The following TUBG1 variants were observed in gnomAD, a reference collection of about 807,000 sequenced individuals.
TUBG1 encodes tubulin gamma 1.
Under a neutral mutation model 53.3 loss-of-function variants are expected in TUBG1, and 22 were observed. The observed-to-expected ratio is 0.41, with a 90% confidence interval of 0.29 to 0.59. The LOEUF is 0.59. Among genes scored for constraint, TUBG1 ranks in the 20% least tolerant of loss-of-function variants. The pLI is 0.26. For missense variants in TUBG1, 217 were observed against 598.9 expected (o/e 0.36, Z 6.66); for synonymous variants, 198 against 236.7 (o/e 0.84, Z 1.50).
Position 42,613,943 on chromosome 17 carries a change from C to A in TUBG1, c.788C>A (p.Thr263Asn), listed in dbSNP as rs2052055950. The A allele has an allele frequency of 6.2e-7, 1 of 1,614,116 alleles. No individual in the cohort carries two copies. Among genetic ancestry groups the A allele is most frequent in the Non-Finnish European group, 8.5e-7 (1 of 1,180,046 alleles). ...LIGLIASLIP[T>N]PRLHFLMTGY... Reference sequence around the variant, plus strand: ...GGCCTCATCGCCTCGCTCATTCCCACCCCACGGCTCCACTTCCTCATGACC... The same window carrying A: ...GGCCTCATCGCCTCGCTCATTCCCAACCCACGGCTCCACTTCCTCATGACC... The change falls in exon 8 of 11, where the codon ACC becomes AAC. Residue 263 changes from threonine (T) to asparagine (N), a missense_variant. By Grantham distance (65) the Thr-to-Asn change is moderately conservative. This residue lies in a region of TUBG1 where 135 missense variants were observed against 371.2 expected (regional missense o/e 0.36). Transcript: ENST00000251413.
At chr17:42,612,300 A>G (rs1336554864) in intron 4 of TUBG1, 127 bp from the exon 5 acceptor site, 4 of 1,306,734 alleles carry the variant, frequency 3.1e-6, no homozygotes, top group Non-Finnish European at 4.4e-6. Flanking sequence ...CCTAAGCTGT[A>G]TAAGTGAGGG....
chr17:42,614,594 C>T lies in TUBG1; in HGVS notation c.1095C>T (p.Pro365=), dbSNP rs2052062029. The T allele has an allele frequency of 6.2e-7, 1 of 1,614,022 alleles. No individual in the cohort carries two copies. The highest frequency in any genetic ancestry group is 1.3e-5 in the African/African-American group (1 of 74,954). ...AGGTGGCCCTGTCGAGGAAGTCTCC[C>T]TACCTGCCCTCGGCCCACCGGGTCA... ...SIQVALSRKS[P]YLPSAHRVSG... is the part of the protein sequence containing the mutation. The change falls in exon 10 of 11, where the codon CCC becomes CCT. Residue 365 remains proline, a synonymous_variant. Coordinates refer to ENST00000251413, the MANE Select transcript of TUBG1 (RefSeq NM_001070.5). The surrounding 1 kb of genome is among the most constrained non-coding windows in gnomAD (Gnocchi z 5.1).
At chr17:42,613,151 TA>T (rs1422169757) in intron 6 of TUBG1, 78 bp downstream of exon 6, 10 of 1,549,174 alleles carry the variant, frequency 6.5e-6, no homozygotes, top group South Asian at 2.4e-5. Context: ...TTCATGTATT[TA>T]AAAAAAATCC....
At position 42,613,688 on chromosome 17, in the gene TUBG1, C is replaced by A; in HGVS notation, c.648C>A (p.Asp216Glu). The A allele has an allele frequency of 6.2e-7, 1 of 1,614,160 alleles. No individual in the cohort carries two copies. Residue 216 changes from aspartate (D) to glutamate (E), a missense_variant, in exon 7 of 11, where the codon GAC (aspartate) becomes GAA (glutamate). Transcript: ENST00000251413. ...DNTALNRIATDRLHIQNPSFS... is the reference protein window; with the variant it reads ...DNTALNRIATERLHIQNPSFS... ...CAGCCCTGAACCGGATTGCCACAGA[C>A]CGCCTGCACATCCAGAACCCATCCT...
At position 42,615,105 on chromosome 17, in the gene TUBG1, C is replaced by A. The variant is rs2052066338; in HGVS notation, c.*64C>A. On this transcript the variant is annotated 3_prime_UTR_variant, in exon 11 of 11. Transcript: ENST00000251413. ...GGCCCAAGCCCTGCCTGACTGACCACCCCCTCAGAGCACAGATCAGGGACC... is the reference window on the plus strand; with the variant it reads ...GGCCCAAGCCCTGCCTGACTGACCAACCCCTCAGAGCACAGATCAGGGACC... 8 of 1,545,964 alleles carry A rather than the reference C, an allele frequency of 5.2e-6. No individual in the cohort carries two copies. The Admixed American group carries it at 6.9e-5, about 13-fold the overall frequency.
In TUBG1 at chr17:42,609,766, T is replaced by A. The variant is rs1181765141; in HGVS notation, c.29T>A (p.Leu10Ter). 1 of 1,551,474 alleles carries A rather than the reference T, an allele frequency of 6.4e-7. No homozygotes were observed. The highest frequency in any genetic ancestry group is 8.7e-7 in the Non-Finnish European group (1 of 1,146,896). Residue 10 changes from leucine (L) to a stop codon, truncating the protein, a stop_gained, in exon 1 of 11, where the codon TTG (leucine) becomes TAG (stop). Transcript: ENST00000251413. LOFTEE classifies it high-confidence loss of function. Reference sequence around the variant, plus strand: ...CCGAGGGAAATCATCACCCTACAGTTGGGCCAGTGCGGCAATCAGAGTGAG... The same window carrying A: ...CCGAGGGAAATCATCACCCTACAGTAGGGCCAGTGCGGCAATCAGAGTGAG... MPREIITLQ[L>*]GQCGNQIGFE...
rs140239168 is a variant in TUBG1, at chr17:42,614,606, G to A, written c.1107G>A (p.Ser369=). Residue 369 remains serine (S), a synonymous_variant, in exon 10 of 11, where the codon TCG becomes TCA. Coordinates refer to ENST00000251413, the MANE Select transcript of TUBG1 (RefSeq NM_001070.5). The surrounding 1 kb of genome is among the most constrained non-coding windows in gnomAD (Gnocchi z 5.1). ...CGAGGAAGTCTCCCTACCTGCCCTCGGCCCACCGGGTCAGCGGGCTCATGA... is the reference window on the plus strand; with the variant it reads ...CGAGGAAGTCTCCCTACCTGCCCTCAGCCCACCGGGTCAGCGGGCTCATGA... ...ALSRKSPYLP[S]AHRVSGLMMA... 666 of 1,614,052 alleles carry A rather than the reference G, an allele frequency of 4.1e-4. No individual in the cohort carries two copies. The highest frequency in any genetic ancestry group is 5.0e-4 in the Non-Finnish European group (588 of 1,179,916).
chr17:42,614,377 C>T lies in TUBG1; in HGVS notation c.961C>T (p.Leu321Phe). ...GACCAACCACTGCTACATCGCCATC[C>T]TCAACATCATCCAGGGAGAGGTGGA... is the stretch of plus-strand genomic sequence containing the variant. The part of the protein sequence containing the change: ...RQTNHCYIAI[L>F]NIIQGEVDPT... Residue 321 changes from leucine to phenylalanine, a missense_variant, in exon 9 of 11, where the codon CTC becomes TTC. Around this residue, in one of 4 missense-constraint regions of TUBG1, gnomAD observed 135 missense variants for 371.2 expected, o/e 0.36. Coordinates refer to ENST00000251413, the MANE Select transcript of TUBG1 (RefSeq NM_001070.5). This position sits in a 1 kb window ranked among gnomAD's most constrained non-coding sequence, Gnocchi z 5.1. The T allele has an allele frequency of 6.2e-7, 1 of 1,613,984 alleles. No individual in the cohort carries two copies. The highest frequency in any genetic ancestry group is 8.5e-7 in the Non-Finnish European group (1 of 1,179,862).
chr17:42,612,912 T>C (rs751749701), intron 5 of TUBG1, 35 bp from the exon 6 acceptor site: 1 of 1,612,008 alleles, frequency 6.2e-7, no homozygotes, highest in South Asian at 1.1e-5. Context: ...AGGCCTTCGG[T>C]CTGTTGCCCT....
At chr17:42,609,814 G>C (rs756811986) in intron 1 of TUBG1, 28 bp downstream of exon 1, 6 of 1,549,708 alleles carry the variant, frequency 3.9e-6, no homozygotes, top group Non-Finnish European at 5.2e-6. Context: ...CCCTCAGCTA[G>C]CCAGGTTCCT....
chr17:42,613,169 G>A (rs2052049522), intron 6 of TUBG1, 96 bp downstream of exon 6: 6 of 1,525,360 alleles, frequency 3.9e-6, no homozygotes, highest in Non-Finnish European at 5.3e-6. Flanking sequence ...ATCCATTTTA[G>A]CCAGGTGCAG....
At chr17:42,612,631 G>A (rs1244791087) in intron 5 of TUBG1, 125 bp downstream of exon 5, 6 of 937,728 alleles carry the variant, frequency 6.4e-6, no homozygotes, top group Non-Finnish European at 9.8e-6. Flanking sequence ...CTCCTATAGA[G>A]AGGAAAATGA....
At chr17:42,612,221 A>G (rs2052041921) in intron 4 of TUBG1, 78 bp downstream of exon 4, 12 of 1,474,892 alleles carry the variant, frequency 8.1e-6, no homozygotes, top group South Asian at 1.1e-5. Context: ...CCTGTTAGGA[A>G]CAAGACCCAC....
Position 42,615,171 on chromosome 17 carries a change from C to T in TUBG1, c.*130C>T, listed in dbSNP as rs182505802. On this transcript the variant is annotated 3_prime_UTR_variant, in exon 11 of 11. Transcript: ENST00000251413. Reference sequence around the variant, plus strand: ...TCATATACATGGACTCTCTGTTGGCCTGCAAACACATTTACTTCTCCTCTT... The same window carrying T: ...TCATATACATGGACTCTCTGTTGGCTTGCAAACACATTTACTTCTCCTCTT... 2.2e-5 allele frequency: 18 copies of T among 803,492 alleles called. No individual in the cohort carries two copies. The highest frequency in any genetic ancestry group is 3.4e-5 in the Non-Finnish European group (17 of 505,928). 49.8% of individuals were successfully genotyped at this position (803,492 alleles called of 1,614,324 possible).
In TUBG1 at chr17:42,613,995, G is replaced by A. The variant is rs1184356601; in HGVS notation, c.840G>A (p.Gln280=). ...GCTACACCCCTCTCACTACGGACCA[G>A]TCAGTAAGAGCAGCCTTCAGTGTCC... ...MTGYTPLTTD[Q]SVASVRKTTV... The change falls in exon 8 of 11, where the codon CAG becomes CAA. Residue 280 remains glutamine, a synonymous_variant. Coordinates refer to ENST00000251413, the MANE Select transcript of TUBG1 (RefSeq NM_001070.5). 2 of 1,614,190 alleles carry A rather than the reference G, an allele frequency of 1.2e-6. No individual in the cohort carries two copies. The highest frequency in any genetic ancestry group is 1.6e-4 in the Middle Eastern group (1 of 6,062).
chr17:42,612,108 A>C lies in TUBG1; in HGVS notation c.364A>C (p.Ile122Leu). The C allele has an allele frequency of 6.2e-7, 1 of 1,614,140 alleles. No homozygotes were observed. Among genetic ancestry groups the C allele is most frequent in the Non-Finnish European group, 8.5e-7 (1 of 1,180,000 alleles). Residue 122 changes from isoleucine to leucine, a missense_variant, in exon 4 of 11, where the codon ATA becomes CTA. By Grantham distance (5) the Ile-to-Leu change is conservative. Transcript: ENST00000251413. Reference protein sequence around the residue: ...EKIHEDIFDIIDREADGSDSL... With the variant: ...EKIHEDIFDILDREADGSDSL... ...GATCCATGAGGACATTTTTGACATC[A>C]TAGACCGGGAGGCAGATGGTAGTGA...
chr17:42,610,630 G>C, intron 3 of TUBG1, 40 bp downstream of exon 3: 1 of 1,613,840 alleles, frequency 6.2e-7, no homozygotes, highest in Non-Finnish European at 8.5e-7. Flanking sequence ...AACTCGCTGG[G>C]TAGGGACAGG....
chr17:42,609,963 G>A, intron 1 of TUBG1, 145 bp from the exon 2 acceptor site: 1 of 1,293,280 alleles, frequency 7.7e-7, no homozygotes, highest in Non-Finnish European at 1.1e-6. Flanking sequence ...CCAGTCCCTG[G>A]CGTACAGTCC....
chr17:42,609,993 G>C lies in TUBG1; in HGVS notation c.50-115G>C, dbSNP rs573936788. ...CAGTCCTTTCCTCAGACACGGGAGA[G>C]TCCTGCGGCTTGACTTCTTATCCCT... On this transcript the variant is annotated intron_variant, in intron 1 of 10. Coordinates refer to ENST00000251413, the MANE Select transcript of TUBG1 (RefSeq NM_001070.5). 2.9e-6 allele frequency: 4 copies of C among 1,381,824 alleles called. No homozygotes were observed. The African/African-American group carries it at 4.3e-5, about 15-fold the overall frequency. The allele number at this position is 1,381,824 out of a possible 1,614,324, so 85.6% of individuals were successfully genotyped here.
Sources: allele counts gnomAD v4.1 joint callset, GRCh38; gene constraint gnomAD v4.1.1; regional missense constraint gnomAD v4.1.1; non-coding constraint Gnocchi (gnomAD v3.1); transcripts MANE v1.5; gene names NCBI Gene and HGNC (gene_info 2026-07-23, HGNC 2026-07-21).